Variants in NUP214 observed in about 807,000 individuals in gnomAD.
NUP214 encodes nuclear pore complex protein Nup214.
In NUP214, 79 loss-of-function variants were observed where a neutral mutation model predicts 196.2. That is an observed-to-expected ratio of 0.40 (90% CI 0.34 to 0.49). The LOEUF is 0.49. NUP214 is among the 20% of genes least tolerant of loss of function. NUP214 has a pLI of 0.58. For missense variants in NUP214, 2,468 were observed against 2,539.0 expected (o/e 0.97, Z 0.60); for synonymous variants, 1,020 against 990.5 (o/e 1.03, Z -0.56).
At chr9:131,230,580 A>G (rs779506719) in intron 33 of NUP214, 50 bp from the exon 34 acceptor site, 1 of 1,608,268 alleles carries the variant, frequency 6.2e-7, no homozygotes, top group Non-Finnish European at 8.5e-7. Flanking sequence ...GCAGATGGGC[A>G]AGTGGTGAGA....
At chr9:131,231,804 G>C (rs1382785010) in intron 34 of NUP214, among the ~76,000 whole-genome samples, 1 of 148,434 alleles carries the variant, frequency 6.7e-6, no homozygotes, top group Non-Finnish European at 1.5e-5. Context: ...AAACTCCAAG[G>C]AACTAAGTGT....
intron 26 of NUP214, chr9:131,190,722 G>C (rs1332546572): frequency 1.1e-5 from 4 of 364,906 alleles, no homozygotes; most frequent in Non-Finnish European, 1.9e-5. Flanking sequence ...CTGCCCTATA[G>C]ATTCTGTATT....
chr9:131,134,751 T>C (rs1831665060), intron 7 of NUP214, 147 bp from the exon 8 acceptor site: 1 of 620,430 alleles, frequency 1.6e-6, no homozygotes. Context: ...TTGTACTAAG[T>C]GCTGCCTTTA....
chr9:131,203,397 C>T (rs1833994517), intron 30 of NUP214, among the ~76,000 whole-genome samples: 1 of 152,144 alleles, frequency 6.6e-6, no homozygotes, highest in South Asian at 2.1e-4. Context: ...GCATTTAGAT[C>T]ATTTAGATCA....
At chr9:131,229,742 C>G (rs1360852821) in intron 33 of NUP214, 3 of 518,892 alleles carry the variant, frequency 5.8e-6, no homozygotes, top group African/African-American at 5.8e-5. Flanking sequence ...AGGAAGGGAG[C>G]AGGCCGCTCC....
chr9:131,172,899 T>C (rs1442932004), intron 21 of NUP214, among the ~76,000 whole-genome samples: 2 of 152,190 alleles, frequency 1.3e-5, no homozygotes, highest in Non-Finnish European at 2.9e-5. Flanking sequence ...AAGGGCTAGA[T>C]TATTTTGTTT....
intron 19 of NUP214, 62 bp from the exon 20 acceptor site, chr9:131,163,808 C>A: frequency 8.3e-7 from 1 of 1,202,938 alleles, no homozygotes. Context: ...GATAGTGTAC[C>A]CCCGACAGCC....
chr9:131,141,266 AT>A (rs1831907269), intron 11 of NUP214, among the ~76,000 whole-genome samples: 1 of 151,968 alleles, frequency 6.6e-6, no homozygotes, highest in African/African-American at 2.4e-5. Context: ...GAACATGGAG[AT>A]TTTTGTTTAT....
intron 21 of NUP214, among the ~76,000 whole-genome samples, chr9:131,170,172 T>A (rs2133574423): frequency 6.6e-6 from 1 of 152,134 alleles, no homozygotes; most frequent in South Asian, 2.1e-4. Flanking sequence ...TCATGTATAT[T>A]TTACCACAAT....
intron 30 of NUP214, among the ~76,000 whole-genome samples, chr9:131,202,993 C>T (rs1255632342): frequency 6.6e-6 from 1 of 151,338 alleles, no homozygotes; most frequent in East Asian, 1.9e-4. Context: ...TTGCCCAGGC[C>T]GGACTGCAGT....
At chr9:131,211,056 CAGT>C (rs1302499498) in intron 30 of NUP214, among the ~76,000 whole-genome samples, 1 of 152,090 alleles carries the variant, frequency 6.6e-6, no homozygotes, top group Non-Finnish European at 1.5e-5. Flanking sequence ...ATTGTAGAAC[CAGT>C]ACTGAAACCA....
chr9:131,164,861 C>T (rs1832742532), intron 21 of NUP214, among the ~76,000 whole-genome samples: 1 of 152,124 alleles, frequency 6.6e-6, no homozygotes. Flanking sequence ...CAATTTTAGG[C>T]ATAACTGCTT....
chr9:131,212,665 A>G (rs987648103), intron 30 of NUP214, among the ~76,000 whole-genome samples: 2 of 152,202 alleles, frequency 1.3e-5, no homozygotes, highest in East Asian at 1.9e-4. Context: ...AGGAGAGTCA[A>G]GTTAATTGTT....
intron 30 of NUP214, among the ~76,000 whole-genome samples, chr9:131,210,658 T>C (rs1277150184): frequency 6.6e-6 from 1 of 151,758 alleles, no homozygotes; most frequent in African/African-American, 2.4e-5. Context: ...AGTCGTTATC[T>C]GTATTTGAAG....
At chr9:131,178,461 G>T in intron 24 of NUP214, 51 bp downstream of exon 24, 1 of 1,332,440 alleles carries the variant, frequency 7.5e-7, no homozygotes, top group Non-Finnish European at 1.1e-6. Flanking sequence ...CTGTAGTAGC[G>T]GTGGACTGCC....
rs375487244 is a variant in NUP214 at position 131,150,776 on chromosome 9, A to G, written c.2277+11A>G. On this transcript the variant is annotated intron_variant, in intron 16 of 35. Coordinates refer to ENST00000359428, the MANE Select transcript of NUP214 (RefSeq NM_005085.4). The stretch of plus-strand genomic sequence containing the variant: ...AAAGAGACCACAGAGGTTTGTGTTT[A>G]TGGATACTTTTCCTGAGTTGAATTG... 1 of 1,599,148 alleles carries G rather than the reference A, an allele frequency of 6.3e-7. No homozygotes were observed. Among genetic ancestry groups the G allele is most frequent in the Non-Finnish European group, 8.5e-7 (1 of 1,175,762 alleles).
At position 131,187,273 on chromosome 9, in the gene NUP214, T is replaced by C. The variant is rs1487271089; in HGVS notation, c.3420-16T>C. The C allele has an allele frequency of 1.1e-5, 17 of 1,611,770 alleles. No individual in the cohort carries two copies. The highest frequency in any genetic ancestry group is 1.4e-5 in the Non-Finnish European group (16 of 1,177,990). On this transcript the variant is annotated splice_polypyrimidine_tract_variant and intron_variant, in intron 24 of 35. Coordinates refer to ENST00000359428, the MANE Select transcript of NUP214 (RefSeq NM_005085.4). ...GTCATGCCTTTCTCTGAGTGTATGCTTTGTGTGTTTTTCAGTTCTTCAGTG... is the reference window on the plus strand; with the variant it reads ...GTCATGCCTTTCTCTGAGTGTATGCCTTGTGTGTTTTTCAGTTCTTCAGTG...
At chr9:131,162,371 C>G (rs1292299966) in intron 18 of NUP214, among the ~76,000 whole-genome samples, 1 of 152,152 alleles carries the variant, frequency 6.6e-6, no homozygotes, top group Non-Finnish European at 1.5e-5. Flanking sequence ...CAAATTAATG[C>G]AGTCAGAAAA....
chr9:131,147,634 C>A, intron 14 of NUP214, 50 bp downstream of exon 14: 1 of 1,265,234 alleles, frequency 7.9e-7, no homozygotes, highest in Non-Finnish European at 1.2e-6. Context: ...TTTACTGCCC[C>A]AAGCATACCT....
Sources: allele counts gnomAD v4.1 joint callset (sites outside exome capture counted in the v4.1 genomes callset), GRCh38; gene constraint gnomAD v4.1.1; transcripts MANE v1.5; gene names NCBI Gene and HGNC (gene_info 2026-07-23, HGNC 2026-07-21).